The following ASMTL variants were observed in gnomAD, a reference collection of about 807,000 sequenced individuals.
ASMTL encodes the protein probable bifunctional dTTP/UTP pyrophosphatase/methyltransferase protein.
Under a neutral mutation model 60.3 loss-of-function variants are expected in ASMTL, and 57 were observed. The ratio of observed to expected loss-of-function variants is 0.95; its 90% CI spans 0.76 to 1.18. The LOEUF (loss-of-function observed/expected upper bound fraction) is 1.18. ASMTL is among the 50% of genes most tolerant of loss of function. The pLI is 0.00. For missense variants in ASMTL, 981 were observed against 852.6 expected (o/e 1.15, Z -1.88); for synonymous variants, 419 against 373.0 (o/e 1.12, Z -1.42).
chrX:1,434,180 G>C (rs2090894933), intron 5 of ASMTL, among the ~76,000 whole-genome samples: 1 of 152,132 alleles, frequency 6.6e-6, no homozygotes, highest in South Asian at 2.1e-4. Flanking sequence ...ACAACTGCCT[G>C]GGCCGGGCAC....
rs1386374385 is a variant in ASMTL at position 1,432,364 on chromosome X, GT to G, written c.413del (p.Asp138AlafsTer13). 3 of 1,612,802 alleles carry G rather than the reference GT, an allele frequency of 1.9e-6. No individual in the cohort carries two copies. Among genetic ancestry groups the G allele is most frequent in the Non-Finnish European group, 2.5e-6 (3 of 1,179,586 alleles). On this transcript the variant is annotated frameshift_variant, in exon 6 of 13. Coordinates refer to ENST00000381317, the MANE Select transcript of ASMTL (RefSeq NM_004192.4). LOFTEE classifies it high-confidence loss of function. ...CCTCGTAGAATTCCGAGACCCTGGTGTCCAGCTGATGGTCTGCAAGGACACA... is the reference window on the plus strand; with the variant it reads ...CCTCGTAGAATTCCGAGACCCTGGTGCCAGCTGATGGTCTGCAAGGACACA... ...VHCSSKDHQL[D>X]TRVSEFYEET...
chrX:1,411,797 T>C (rs1479084318), intron 12 of ASMTL, among the ~76,000 whole-genome samples: 2 of 146,614 alleles, frequency 1.4e-5, no homozygotes, highest in African/African-American at 2.5e-5. Context: ...ATTTTCTCTT[T>C]AGGATTTTCT....
chrX:1,436,135 C>T (rs1168325975), intron 3 of ASMTL, among the ~76,000 whole-genome samples: 1 of 152,166 alleles, frequency 6.6e-6, no homozygotes. Flanking sequence ...ACCGTGATGT[C>T]CTCAACATTC....
chrX:1,447,430 CCACCATCTTGGACACA>C (rs1345481068), intron 1 of ASMTL, among the ~76,000 whole-genome samples: 41 of 151,834 alleles, frequency 2.7e-4, no homozygotes, highest in African/African-American at 8.7e-4. Context: ...TGGATAAGCA[CCACCATCTTGGACACA>C]CACCATCTTG....
At chrX:1,436,223 G>C (rs1394170527) in intron 3 of ASMTL, among the ~76,000 whole-genome samples, 3 of 152,172 alleles carry the variant, frequency 2.0e-5, no homozygotes, top group Non-Finnish European at 4.4e-5. Context: ...GCCCAGGCTG[G>C]AGTGCAGTGG....
intron 12 of ASMTL, among the ~76,000 whole-genome samples, chrX:1,411,975 CT>C (rs1314642961): frequency 5.9e-5 from 9 of 151,756 alleles, no homozygotes; most frequent in African/African-American, 2.2e-4. Context: ...TCAAGCCCGG[CT>C]TATTTTTTGT....
At chrX:1,414,932 CTCT>C (rs1380700622) in intron 11 of ASMTL, among the ~76,000 whole-genome samples, 1 of 55,652 alleles carries the variant, frequency 1.8e-5, no homozygotes, top group African/African-American at 4.6e-5. Flanking sequence ...CGTCAGCTGT[CTCT>C]TTTTTTATTT....
chrX:1,427,872 C>T lies in ASMTL; in HGVS notation c.759G>A (p.Ala253=), dbSNP rs370618613. The T allele has an allele frequency of 3.4e-5, 55 of 1,613,222 alleles. No homozygotes were observed. The Middle Eastern group carries it at 5.0e-4, about 15-fold the overall frequency. The part of the protein sequence containing the change: ...GGGSEPTQRD[A]GSRDEKAEAG... ...CCTCGGCCTTCTCATCGCGGCTGCC[C>T]GCGTCCCTCTGAGTGGGCTCCGAGC... The change falls in exon 7 of 13, where the codon GCG becomes GCA. Residue 253 remains alanine, a synonymous_variant. Transcript: ENST00000381317.
Position 1,412,873 on chromosome X carries a change from G to A in ASMTL, c.1523-19C>T, listed in dbSNP as rs776409260. ...AAGTCACCTGGTTTAAAGACAAAAC[G>A]AGATACGTCCGTCAGGTATGGAAGA... On this transcript the variant is annotated intron_variant, in intron 11 of 12. Transcript: ENST00000381317. 8.1e-6 allele frequency: 13 copies of A among 1,613,744 alleles called. No individual in the cohort carries two copies. In the East Asian group the frequency reaches 1.3e-4, roughly 17 times the overall value.
At chrX:1,442,095 G>A (rs2091121605) in intron 2 of ASMTL, 91 bp downstream of exon 2, 19 of 1,464,956 alleles carry the variant, frequency 1.3e-5, no homozygotes, top group Non-Finnish European at 1.8e-5. Context: ...TTTGAATGAC[G>A]TTTATTTGTG....
At chrX:1,407,246 GGATGGATGGATAGATGGATGCATGGATGA>G (rs1387189935) in intron 12 of ASMTL, among the ~76,000 whole-genome samples, 4 of 148,936 alleles carry the variant, frequency 2.7e-5, no homozygotes, top group African/African-American at 1.0e-4. Context: ...GTAGGTAGAT[GGATGGATGGATAGATGGATGCATGGATGA>G]GATGGATGGA....
chrX:1,422,283 C>T (rs771889245), intron 8 of ASMTL, among the ~76,000 whole-genome samples: 1 of 152,306 alleles, frequency 6.6e-6, no homozygotes, highest in East Asian at 1.9e-4. Flanking sequence ...TTGGCCTCAT[C>T]CAGCTCATTG....
At chrX:1,419,363 A>G (rs1449336609) in intron 9 of ASMTL, among the ~76,000 whole-genome samples, 2 of 152,190 alleles carry the variant, frequency 1.3e-5, no homozygotes, top group African/African-American at 4.8e-5. Context: ...TCCACACCAC[A>G]GCCTGAACTC....
At chrX:1,426,575 G>A (rs187782403) in intron 7 of ASMTL, among the ~76,000 whole-genome samples, 8 of 152,280 alleles carry the variant, frequency 5.3e-5, no homozygotes, top group South Asian at 4.2e-4. Flanking sequence ...GCCTCAGGCC[G>A]GGCGCGCTGG....
At chrX:1,443,048 C>A (rs758251639) in intron 1 of ASMTL, among the ~76,000 whole-genome samples, 1 of 92,628 alleles carries the variant, frequency 1.1e-5, no homozygotes, top group African/African-American at 2.9e-5. Flanking sequence ...GGACGCATAC[C>A]ACCATCGTGG....
At chrX:1,439,065 C>G (rs751532043) in intron 3 of ASMTL, 32 bp downstream of exon 3, 6 of 1,612,240 alleles carry the variant, frequency 3.7e-6, no homozygotes, top group Non-Finnish European at 5.1e-6. Flanking sequence ...CCACATCGGA[C>G]ATTAGAAACG....
intron 9 of ASMTL, among the ~76,000 whole-genome samples, chrX:1,421,371 G>A (rs2090480722): frequency 6.6e-6 from 1 of 152,138 alleles, no homozygotes; most frequent in Non-Finnish European, 1.5e-5. Context: ...CAAAGTGCTG[G>A]GAGTGACAGG....
chrX:1,424,916 A>G (rs1358154017), intron 8 of ASMTL, among the ~76,000 whole-genome samples: 17 of 119,272 alleles, frequency 1.4e-4, no homozygotes, highest in Non-Finnish European at 2.4e-4. Context: ...CTTCCCATCC[A>G]TGTATCTATC....
intron 12 of ASMTL, among the ~76,000 whole-genome samples, chrX:1,412,290 C>T (rs1434957824): frequency 2.6e-5 from 4 of 152,180 alleles, no homozygotes; most frequent in Admixed American, 6.6e-5. Context: ...TGCAGTGGCG[C>T]GATCTCGGCT....
Sources: gnomAD v4.1 joint callset for allele counts (sites outside exome capture counted in the v4.1 genomes callset) on GRCh38, gnomAD v4.1.1 for gene constraint, MANE v1.5 for transcripts, NCBI Gene and HGNC (gene_info 2026-07-23, HGNC 2026-07-21) for gene names.